The following RPTOR variants were observed in gnomAD, a reference collection of about 807,000 sequenced individuals.
RPTOR encodes the protein regulatory associated protein of MTOR complex 1, also known as regulatory-associated protein of mTOR.
A neutral mutation model predicts 169.9 loss-of-function variants in RPTOR; 21 were observed. The ratio of observed to expected loss-of-function variants is 0.12; its 90% confidence interval spans 0.09 to 0.18. The LOEUF is 0.18. Ranked by LOEUF, RPTOR falls within the 10% of genes least tolerant of loss-of-function variation. The pLI is 1.00. For synonymous variants in RPTOR, 732 were observed against 753.2 expected, an observed-to-expected ratio of 0.97 and a Z score of 0.46; for missense variants, 1,133 against 1,855.9, an observed-to-expected ratio of 0.61 and a Z score of 7.16.
At chr17:80,855,964 G>A (rs2067847888) in intron 12 of RPTOR, among the ~76,000 whole-genome samples, 1 of 152,166 alleles carries the variant, frequency 6.6e-6, no homozygotes, top group Admixed American at 6.5e-5. Context: ...CATCATGGCA[G>A]GCACAATTCG....
intron 9 of RPTOR, among the ~76,000 whole-genome samples, chr17:80,826,155 G>A (rs1162083306): frequency 6.6e-6 from 1 of 152,134 alleles, no homozygotes; most frequent in Non-Finnish European, 1.5e-5. Flanking sequence ...CAGCAGCTGG[G>A]GCAAGAAAAC....
chr17:80,685,862 G>A (rs935346510), intron 3 of RPTOR, among the ~76,000 whole-genome samples: 15 of 151,136 alleles, frequency 9.9e-5, no homozygotes, highest in African/African-American at 4.9e-5. Flanking sequence ...AGCAGCACTC[G>A]GAAATGCCCG....
intron 12 of RPTOR, among the ~76,000 whole-genome samples, chr17:80,856,203 CAT>C (rs1403670381): frequency 6.6e-6 from 1 of 152,188 alleles, no homozygotes; most frequent in Non-Finnish European, 1.5e-5. Context: ...AATGAATACT[CAT>C]AAAACAATTA....
At chr17:80,871,219 C>T (rs1239489046) in intron 13 of RPTOR, among the ~76,000 whole-genome samples, 2 of 152,192 alleles carry the variant, frequency 1.3e-5, no homozygotes, top group African/African-American at 4.8e-5. Context: ...CATTCTCCTG[C>T]CTCAGCCTCC....
intron 20 of RPTOR, among the ~76,000 whole-genome samples, chr17:80,902,983 G>A (rs569780872): frequency 1.6e-4 from 24 of 152,390 alleles, no homozygotes; most frequent in African/African-American, 2.9e-4. Flanking sequence ...TCCCGAGAGC[G>A]CTGGCAGGAA....
chr17:80,922,640 C>T (rs1598402835), intron 21 of RPTOR, 84 bp from the exon 22 acceptor site: 8 of 1,127,310 alleles, frequency 7.1e-6, no homozygotes, highest in Non-Finnish European at 9.0e-6. Context: ...TCTGAAGCGG[C>T]TCCACGCCAG....
chr17:80,935,080 C>G (rs2068939870), intron 24 of RPTOR, among the ~76,000 whole-genome samples: 1 of 150,774 alleles, frequency 6.6e-6, no homozygotes, highest in Admixed American at 6.6e-5. Flanking sequence ...AGCAATTGGA[C>G]ATTGAAATTT....
At chr17:80,571,819 C>T (rs1001435675) in intron 1 of RPTOR, among the ~76,000 whole-genome samples, 1 of 152,178 alleles carries the variant, frequency 6.6e-6, no homozygotes. Context: ...CTATGCCCAG[C>T]CTCTTCACTT....
chr17:80,600,661 A>T (rs2065178307), intron 1 of RPTOR, among the ~76,000 whole-genome samples: 1 of 152,150 alleles, frequency 6.6e-6, no homozygotes, highest in Non-Finnish European at 1.5e-5. Context: ...ATGTTCCTGC[A>T]CACAGGCTTC....
chr17:80,849,342 G>A (rs766090553), intron 11 of RPTOR, among the ~76,000 whole-genome samples: 3 of 152,116 alleles, frequency 2.0e-5, no homozygotes, highest in Non-Finnish European at 4.4e-5. Context: ...GGTCACGCAC[G>A]GTGTCTCATC....
intron 3 of RPTOR, among the ~76,000 whole-genome samples, chr17:80,692,959 G>A (rs779508552): frequency 4.6e-5 from 7 of 152,192 alleles, no homozygotes; most frequent in Admixed American, 2.0e-4. Flanking sequence ...GTGATGACAC[G>A]TATGCGTAAC....
In RPTOR at chr17:80,869,003, T is replaced by G. The variant is rs368330998; in HGVS notation, c.1509+11103T>G. Among the ~76,000 whole-genome samples, 24 of 152,330 alleles carry G rather than the reference T, an allele frequency of 1.6e-4. 1 individual carries two copies. Among genetic ancestry groups the G allele is most frequent in the Admixed American group, 7.8e-4 (12 of 15,300 alleles). On this transcript the variant is annotated intron_variant, in intron 13 of 33. Transcript: ENST00000306801. ...CTGAGGGGCCAGACCCCACCTAGAC[T>G]GTGGCGGTAGCTTCACAGGTGTAGA...
intron 2 of RPTOR, among the ~76,000 whole-genome samples, chr17:80,640,873 A>G (rs1191493499): frequency 6.6e-6 from 1 of 152,234 alleles, no homozygotes; most frequent in Non-Finnish European, 1.5e-5. Context: ...GTCGTGATGC[A>G]TGGACAGTTT....
At chr17:80,634,120 G>GTGTGTGTGTGCATAC (rs1232607155) in intron 2 of RPTOR, among the ~76,000 whole-genome samples, 9,209 of 65,716 alleles carry the variant, frequency 0.14, 951 homozygotes, top group African/African-American at 0.35. Flanking sequence ...TGTGCATACT[G>GTGTGTGTGTGCATAC]TGTGTGTGTG....
intron 1 of RPTOR, among the ~76,000 whole-genome samples, chr17:80,551,660 T>C (rs2084347276): frequency 6.6e-6 from 1 of 152,178 alleles, no homozygotes; most frequent in Non-Finnish European, 1.5e-5. Context: ...GACATTCCAT[T>C]GCCCAGGGAC....
chr17:80,797,031 T>C (rs527711361), intron 7 of RPTOR, among the ~76,000 whole-genome samples: 8 of 152,364 alleles, frequency 5.3e-5, no homozygotes, highest in Admixed American at 2.6e-4. Context: ...CTTCTCCGCT[T>C]AAAAACGCTA....
Position 80,569,165 on chromosome 17 carries a change from T to G in RPTOR, c.162+23374T>G, listed in dbSNP as rs1418882380. Among the ~76,000 whole-genome samples the G allele has an allele frequency of 3.3e-5, 5 of 152,246 alleles. No individual in the cohort carries two copies. The East Asian group carries it at 9.6e-4, about 29-fold the overall frequency. ...TTTTTGGGTCTAGATGGACTGACTT[T>G]CTTGTGGTTGTGGATCAGGCTTTCC... On this transcript the variant is annotated intron_variant, in intron 1 of 33. Coordinates refer to ENST00000306801, the MANE Select transcript of RPTOR (RefSeq NM_020761.3).
chr17:80,814,666 G>A (rs2067305775), intron 7 of RPTOR, among the ~76,000 whole-genome samples: 1 of 152,120 alleles, frequency 6.6e-6, no homozygotes, highest in African/African-American at 2.4e-5. Context: ...TGTATTCAAC[G>A]TTTCATGCCA....
Position 80,733,572 on chromosome 17 carries a change from G to A in RPTOR, c.654+2866G>A, listed in dbSNP as rs761771170. Among the ~76,000 whole-genome samples, 16 of 152,222 alleles carry A rather than the reference G, an allele frequency of 1.1e-4. No homozygotes were observed. The East Asian group carries it at 1.2e-3, about 11-fold the overall frequency. ...TGAGACCACTGCTTCTTGATTTGTC[G>A]TTTTTAGATTATCAGTGGGCTTTGT... On this transcript the variant is annotated intron_variant, in intron 5 of 33. Coordinates refer to ENST00000306801, the MANE Select transcript of RPTOR (RefSeq NM_020761.3).
Sources: gnomAD v4.1 joint callset for allele counts (sites outside exome capture counted in the v4.1 genomes callset) on GRCh38, gnomAD v4.1.1 for gene constraint, MANE v1.5 for transcripts, NCBI Gene and HGNC (gene_info 2026-07-23, HGNC 2026-07-21) for gene names.